The following RBFOX1 variants were observed in gnomAD, a reference collection of about 807,000 sequenced individuals.
RBFOX1 encodes RNA binding protein fox-1 homolog 1.
In RBFOX1, 8 loss-of-function variants were observed where a neutral mutation model predicts 57.7. The observed-to-expected ratio is 0.14, with a 90% confidence interval of 0.08 to 0.25. The LOEUF (loss-of-function observed/expected upper bound fraction) is 0.25, where lower values mean the gene tolerates loss of function less well. Ranked by LOEUF, RBFOX1 falls within the 10% of genes least tolerant of loss-of-function variation. The probability of loss-of-function intolerance (pLI) is 1.00; values close to 1 mark genes in which losing one functional copy is unlikely to be tolerated. For missense variants in RBFOX1, 611 were observed against 548.5 expected (o/e 1.11, Z -1.14); for synonymous variants, 326 against 222.4 (o/e 1.47, Z -4.15).
chr16:7,189,001 C>CT (rs1213488681), intron 4 of RBFOX1, among the ~76,000 whole-genome samples: 1 of 152,062 alleles, frequency 6.6e-6, no homozygotes, highest in Non-Finnish European at 1.5e-5. Flanking sequence ...GAACATCAGG[C>CT]TAGAGGCAAG....
At chr16:5,445,506 C>T (rs2068214453) in intron 1 of RBFOX1, among the ~76,000 whole-genome samples, 1 of 152,194 alleles carries the variant, frequency 6.6e-6, no homozygotes, top group Admixed American at 6.5e-5. Context: ...TTTAAAACAA[C>T]CGATCAGTTA....
At chr16:7,242,823 G>C (rs1417260297) in intron 4 of RBFOX1, among the ~76,000 whole-genome samples, 1 of 152,198 alleles carries the variant, frequency 6.6e-6, no homozygotes, top group African/African-American at 2.4e-5. Flanking sequence ...ATTCAGACCC[G>C]ACTGACTTTG....
At chr16:7,493,062 A>G (rs945338732) in intron 4 of RBFOX1, among the ~76,000 whole-genome samples, 11 of 152,160 alleles carry the variant, frequency 7.2e-5, no homozygotes, top group Non-Finnish European at 1.0e-4. Context: ...TAGTTTTAGT[A>G]GAGATGGGGT....
intron 4 of RBFOX1, among the ~76,000 whole-genome samples, chr16:7,112,494 A>T (rs549676177): frequency 1.3e-5 from 2 of 151,810 alleles, no homozygotes; most frequent in Non-Finnish European, 2.9e-5. Context: ...GGCATGAGCC[A>T]CCGTGCCCAG....
intron 3 of RBFOX1, among the ~76,000 whole-genome samples, chr16:5,805,693 G>T (rs1403777980): frequency 6.6e-6 from 1 of 152,156 alleles, no homozygotes; most frequent in African/African-American, 2.4e-5. Flanking sequence ...GAACTCAGAG[G>T]GCTATAGGAA....
At chr16:6,756,588 T>C (rs961154048) in intron 3 of RBFOX1, among the ~76,000 whole-genome samples, 1 of 152,116 alleles carries the variant, frequency 6.6e-6, no homozygotes, top group African/African-American at 2.4e-5. Context: ...CCAGAATATA[T>C]GACAAGGAAC....
Position 5,359,097 on chromosome 16 carries a change from G to A in RBFOX1, c.220-108119G>A, listed in dbSNP as rs1383288551. Among the ~76,000 whole-genome samples the A allele has an allele frequency of 2.6e-5, 4 of 152,188 alleles. No individual in the cohort carries two copies. In the East Asian group the frequency reaches 7.7e-4, roughly 29 times the overall value. On this transcript the variant is annotated intron_variant, in intron 1 of 2. Transcript: ENST00000585867. ...TTCTGTGCCTGGCTTATTTCACTTA[G>A]CATAGTGACCTCCAGTTTCATCCAC... is the stretch of plus-strand genomic sequence containing the variant.
chr16:7,709,806 C>T, intron 15 of RBFOX1: 1 of 1,260,714 alleles, frequency 7.9e-7, no homozygotes, highest in Non-Finnish European at 1.0e-6. Context: ...CTTGCCTGTA[C>T]TTGTTCAAAC....
upstream of RBFOX1, among the ~76,000 whole-genome samples, chr16:6,016,313 T>C (rs2094993417): frequency 6.6e-6 from 1 of 152,054 alleles, no homozygotes; most frequent in African/African-American, 2.4e-5. Context: ...GATATTGAAA[T>C]GGAGATCTAA....
chr16:6,243,219 G>T (rs1267282363), intron 1 of RBFOX1, among the ~76,000 whole-genome samples: 2 of 151,996 alleles, frequency 1.3e-5, no homozygotes, highest in Non-Finnish European at 2.9e-5. Context: ...AACATTAGGT[G>T]AGTTAGAAGT....
chr16:7,518,552 C>CATGGA (rs1238899956), intron 5 of RBFOX1, among the ~76,000 whole-genome samples, 163 bp downstream of exon 5: 1 of 152,240 alleles, frequency 6.6e-6, no homozygotes, highest in East Asian at 1.9e-4. Context: ...ACCTCATTTC[C>CATGGA]ATGCATTCAT....
chr16:6,788,749 A>C (rs1218043493), intron 3 of RBFOX1, among the ~76,000 whole-genome samples: 4 of 151,948 alleles, frequency 2.6e-5, no homozygotes, highest in African/African-American at 9.7e-5. Context: ...TGCTGGGATT[A>C]CAGGTGTGAG....
chr16:5,802,473 A>G (rs910976347), intron 3 of RBFOX1, among the ~76,000 whole-genome samples: 1 of 152,144 alleles, frequency 6.6e-6, no homozygotes. Flanking sequence ...TGGAAAGCTT[A>G]AAGTGATTCT....
intron 2 of RBFOX1, among the ~76,000 whole-genome samples, chr16:6,529,583 TA>T (rs5815319): frequency 0.61 from 91,228 of 150,668 alleles, 27,866 homozygotes; most frequent in Non-Finnish European, 0.64. Context: ...TTATTAATAA[TA>T]TATTATTATT....
At chr16:6,079,048 G>A (rs12709150) in intron 1 of RBFOX1, among the ~76,000 whole-genome samples, 103,582 of 152,090 alleles carry the variant, frequency 0.68, 35,825 homozygotes, top group Non-Finnish European at 0.75. Flanking sequence ...GTGGCTTACA[G>A]TTGTAATCCC....
chr16:7,448,203 C>T (rs574953396), intron 4 of RBFOX1, among the ~76,000 whole-genome samples: 1 of 152,206 alleles, frequency 6.6e-6, no homozygotes, highest in Non-Finnish European at 1.5e-5. Context: ...ATAACAGAAA[C>T]TTATTCTCTT....
At chr16:6,544,759 C>A (rs1007259935) in intron 2 of RBFOX1, among the ~76,000 whole-genome samples, 1 of 152,166 alleles carries the variant, frequency 6.6e-6, no homozygotes, top group Non-Finnish European at 1.5e-5. Context: ...TGATAACACT[C>A]CTCTCTCAAA....
intron 4 of RBFOX1, among the ~76,000 whole-genome samples, chr16:7,264,688 T>G (rs1192716224): frequency 6.6e-6 from 1 of 152,212 alleles, no homozygotes; most frequent in Non-Finnish European, 1.5e-5. Context: ...TTATTTTTCT[T>G]TGGATTTTTC....
At chr16:6,940,968 A>G (rs1485846513) in intron 3 of RBFOX1, among the ~76,000 whole-genome samples, 2 of 151,552 alleles carry the variant, frequency 1.3e-5, no homozygotes, top group African/African-American at 4.9e-5. Flanking sequence ...TGGCCTCTCA[A>G]AGTGCTGGGA....
Sources: allele counts gnomAD v4.1 joint callset (sites outside exome capture counted in the v4.1 genomes callset), GRCh38; gene constraint gnomAD v4.1.1; transcripts MANE v1.5; gene names NCBI Gene and HGNC (gene_info 2026-07-23, HGNC 2026-07-21).